CSNK1G1: variants seen among roughly 807,000 people sequenced by gnomAD.
CSNK1G1 encodes the protein casein kinase I isoform gamma-1.
In CSNK1G1, 22 loss-of-function variants were observed where a neutral mutation model predicts 59.6. The observed-to-expected ratio is 0.37, with a 90% CI of 0.26 to 0.53. The LOEUF is 0.53. Among genes scored for constraint, CSNK1G1 ranks in the 20% least tolerant of loss-of-function variants. The pLI is 0.89. For synonymous variants in CSNK1G1, 179 were observed against 177.1 expected, an observed-to-expected ratio of 1.01 and a Z score of -0.08; for missense variants, 384 against 519.5, an observed-to-expected ratio of 0.74 and a Z score of 2.54.
At chr15:64,262,796 C>T (rs1892763433) in intron 2 of CSNK1G1, among the ~76,000 whole-genome samples, 1 of 152,104 alleles carries the variant, frequency 6.6e-6, no homozygotes, top group African/African-American at 2.4e-5. Flanking sequence ...GAAAAAGATG[C>T]AGTCAGGCGC....
chr15:64,231,450 C>T (rs1662345287), intron 4 of CSNK1G1, among the ~76,000 whole-genome samples: 1 of 146,538 alleles, frequency 6.8e-6, no homozygotes, highest in African/African-American at 2.6e-5. Flanking sequence ...TATATATACA[C>T]ACACACATAT....
intron 2 of CSNK1G1, among the ~76,000 whole-genome samples, chr15:64,299,038 T>A (rs1318482264): frequency 6.6e-6 from 1 of 151,750 alleles, no homozygotes; most frequent in Non-Finnish European, 1.5e-5. Context: ...ACACTCCATC[T>A]CAAAAAGAAA....
intron 7 of CSNK1G1, among the ~76,000 whole-genome samples, chr15:64,206,296 C>T (rs979858256): frequency 3.3e-5 from 5 of 151,944 alleles, no homozygotes; most frequent in Non-Finnish European, 7.4e-5. Flanking sequence ...AAAAATTAGC[C>T]GGGTGTGGTG....
chr15:64,316,598 A>C (rs988492624), intron 1 of CSNK1G1, among the ~76,000 whole-genome samples: 2 of 151,776 alleles, frequency 1.3e-5, no homozygotes, highest in Non-Finnish European at 2.9e-5. Flanking sequence ...TCATAAAGGG[A>C]GGAGACCACC....
intron 7 of CSNK1G1, among the ~76,000 whole-genome samples, chr15:64,205,678 C>T: frequency 6.6e-6 from 1 of 152,172 alleles, no homozygotes; most frequent in South Asian, 2.1e-4. Context: ...TCTACAACTA[C>T]CACTAAAATG....
chr15:64,299,485 G>A (rs965473821), intron 2 of CSNK1G1, among the ~76,000 whole-genome samples: 8 of 151,860 alleles, frequency 5.3e-5, no homozygotes, highest in African/African-American at 1.9e-4. Context: ...CCAGCTACTT[G>A]GGAGGTTGAG....
rs1482644354 is a variant in CSNK1G1, at chr15:64,210,096, G to A, written c.680-2502C>T. On this transcript the variant is annotated intron_variant, in intron 6 of 11. Coordinates refer to ENST00000303052, the MANE Select transcript of CSNK1G1 (RefSeq NM_022048.5). This position sits in a 1 kb window ranked among gnomAD's most constrained non-coding sequence, Gnocchi z 4.2. ...AATATGGGACAATAGGAAAAATAAG[G>A]GTTCCTAAATCAGGAAGGGTACCTA... is the stretch of plus-strand genomic sequence containing the variant. 2.0e-5 allele frequency among the ~76,000 whole-genome samples: 3 copies of A among 152,102 alleles called. No homozygotes were observed. The East Asian group carries it at 5.8e-4, about 29-fold the overall frequency.
At chr15:64,257,960 T>G (rs1300681190) in intron 3 of CSNK1G1, among the ~76,000 whole-genome samples, 4 of 152,200 alleles carry the variant, frequency 2.6e-5, no homozygotes, top group Non-Finnish European at 4.4e-5. Flanking sequence ...AGAAGGTACC[T>G]GCTGCTCTAA....
At chr15:64,201,705 C>CGTGTGT (rs1567370144) in intron 10 of CSNK1G1, among the ~76,000 whole-genome samples, 71 of 104,234 alleles carry the variant, frequency 6.8e-4, no homozygotes, top group African/African-American at 1.7e-3. Context: ...CTCCATTGGA[C>CGTGTGT]ATGTGTGTGT....
At chr15:64,249,316 G>A (rs533177963) in intron 4 of CSNK1G1, among the ~76,000 whole-genome samples, 9 of 152,302 alleles carry the variant, frequency 5.9e-5, no homozygotes, top group Non-Finnish European at 1.3e-4. Context: ...GGTAGGGGTA[G>A]CAAGGGGATT....
chr15:64,183,021 C>A (rs2140214129), intron 10 of CSNK1G1, among the ~76,000 whole-genome samples: 1 of 152,288 alleles, frequency 6.6e-6, no homozygotes, highest in East Asian at 1.9e-4. Context: ...ATTCTGTGAG[C>A]ACAAAGGTTA....
At chr15:64,295,341 G>T (rs1336427090) in intron 2 of CSNK1G1, among the ~76,000 whole-genome samples, 1 of 152,252 alleles carries the variant, frequency 6.6e-6, no homozygotes, top group Non-Finnish European at 1.5e-5. Flanking sequence ...GCAGCTTCCG[G>T]CATAAATGGG....
chr15:64,229,524 CTCTT>C (rs1447933114), intron 4 of CSNK1G1, among the ~76,000 whole-genome samples: 19 of 145,376 alleles, frequency 1.3e-4, no homozygotes, highest in East Asian at 5.8e-4. Flanking sequence ...CTTTCTCTCT[CTCTT>C]TCTCTCTCTC....
intron 6 of CSNK1G1, among the ~76,000 whole-genome samples, chr15:64,212,427 T>C (rs990782185): frequency 2.0e-5 from 3 of 152,208 alleles, no homozygotes; most frequent in Non-Finnish European, 4.4e-5. Flanking sequence ...TACTTATTAA[T>C]GTGCAGGCCA....
intron 2 of CSNK1G1, among the ~76,000 whole-genome samples, chr15:64,287,956 A>G (rs747806413): frequency 9.9e-5 from 15 of 152,204 alleles, no homozygotes; most frequent in Non-Finnish European, 1.5e-4. Flanking sequence ...AGTAGACTAG[A>G]GATGTCAACA....
At position 64,262,409 on chromosome 15, in the gene CSNK1G1, C is replaced by T. The variant is rs867601436; in HGVS notation, c.182-3168G>A. ...GATGAACAGAGGAGAGAATAAAAGG[C>T]ATTTTCTATTTTTAAAAAATACTAA... is the stretch of plus-strand genomic sequence containing the variant. On this transcript the variant is annotated intron_variant, in intron 2 of 11. Coordinates refer to ENST00000303052, the MANE Select transcript of CSNK1G1 (RefSeq NM_022048.5). Among the ~76,000 whole-genome samples, 9 of 152,294 alleles carry T rather than the reference C, an allele frequency of 5.9e-5. No individual in the cohort carries two copies. The South Asian group carries it at 1.9e-3, about 32-fold the overall frequency.
At chr15:64,314,618 C>G (rs977893782) in intron 1 of CSNK1G1, among the ~76,000 whole-genome samples, 3 of 150,402 alleles carry the variant, frequency 2.0e-5, no homozygotes, top group Non-Finnish European at 3.0e-5. Context: ...TCCCTTTAAC[C>G]ATGGTCTCAC....
intron 2 of CSNK1G1, among the ~76,000 whole-genome samples, chr15:64,278,871 A>C (rs1162932860): frequency 1.3e-5 from 2 of 152,222 alleles, no homozygotes; most frequent in Non-Finnish European, 2.9e-5. Context: ...GCATTTATGT[A>C]AAAAGGAGCA....
intron 10 of CSNK1G1, among the ~76,000 whole-genome samples, chr15:64,180,761 C>G (rs1038797963): frequency 1.3e-5 from 2 of 152,192 alleles, no homozygotes; most frequent in African/African-American, 4.8e-5. Context: ...GATGGAAACA[C>G]TAACAAATGA....
Sources: gnomAD v4.1 joint callset for allele counts (sites outside exome capture counted in the v4.1 genomes callset) on GRCh38, gnomAD v4.1.1 for gene constraint, Gnocchi (gnomAD v3.1) non-coding constraint, MANE v1.5 for transcripts, NCBI Gene and HGNC (gene_info 2026-07-23, HGNC 2026-07-21) for gene names.